RIMS2: variants seen among roughly 807,000 people sequenced by gnomAD.
RIMS2 encodes regulating synaptic membrane exocytosis protein 2.
A neutral mutation model predicts 174.4 loss-of-function variants in RIMS2; 59 were observed. That is an observed-to-expected ratio of 0.34 (90% CI 0.27 to 0.42). The LOEUF is 0.42. Among genes scored for constraint, RIMS2 ranks in the 10% least tolerant of loss-of-function variants. RIMS2 has a pLI of 1.00. For synonymous variants in RIMS2, 606 were observed against 572.5 expected (o/e 1.06, Z -0.84); for missense variants, 1,620 against 1,666.3 (o/e 0.97, Z 0.48).
intron 19 of RIMS2, among the ~76,000 whole-genome samples, chr8:104,074,046 T>C (rs763063768): frequency 2.0e-5 from 3 of 152,230 alleles, no homozygotes; most frequent in Non-Finnish European, 2.9e-5. Context: ...TTAGCACTTA[T>C]GCGCTTCTCA....
intron 19 of RIMS2, among the ~76,000 whole-genome samples, chr8:104,182,252 A>G (rs1358467626): frequency 2.0e-5 from 3 of 151,852 alleles, no homozygotes; most frequent in Non-Finnish European, 4.4e-5. Context: ...GTATATTCTT[A>G]GGTTATCACA....
intron 2 of RIMS2, among the ~76,000 whole-genome samples, chr8:103,714,965 G>A (rs1398851210): frequency 6.6e-6 from 1 of 152,080 alleles, no homozygotes; most frequent in Non-Finnish European, 1.5e-5. Context: ...AATTTTTAAT[G>A]AATATTCCTG....
intron 1 of RIMS2, among the ~76,000 whole-genome samples, chr8:103,549,254 A>C (rs1174203447): frequency 6.6e-6 from 1 of 152,224 alleles, no homozygotes; most frequent in Non-Finnish European, 1.5e-5. Flanking sequence ...GAAGGCTATC[A>C]GACTAACAGC....
chr8:103,544,899 GAAC>G (rs1304009488), intron 1 of RIMS2, among the ~76,000 whole-genome samples: 1 of 152,078 alleles, frequency 6.6e-6, no homozygotes, highest in Non-Finnish European at 1.5e-5. Context: ...CACATCCAAA[GAAC>G]AACAACTTCA....
chr8:103,553,149 G>C (rs568693027), intron 1 of RIMS2, among the ~76,000 whole-genome samples: 1 of 151,856 alleles, frequency 6.6e-6, no homozygotes, highest in South Asian at 2.1e-4. Context: ...ATGCACATGT[G>C]TGTTTATTGT....
intron 19 of RIMS2, among the ~76,000 whole-genome samples, chr8:104,020,696 G>A (rs1041713129): frequency 1.3e-5 from 2 of 151,830 alleles, no homozygotes; most frequent in Non-Finnish European, 2.9e-5. Flanking sequence ...TTTTAAAATT[G>A]AATTATTTTA....
At chr8:103,659,882 G>A (rs996399961) in intron 1 of RIMS2, among the ~76,000 whole-genome samples, 2 of 152,212 alleles carry the variant, frequency 1.3e-5, no homozygotes, top group African/African-American at 4.8e-5. Context: ...ATGCTGCTTC[G>A]AGTGCACACG....
intron 19 of RIMS2, among the ~76,000 whole-genome samples, chr8:104,227,377 T>C (rs2099195081): frequency 2.0e-5 from 3 of 152,208 alleles, no homozygotes; most frequent in Admixed American, 1.3e-4. Context: ...CCCTTTGAGA[T>C]AAGAATTATT....
chr8:103,543,054 CA>C, intron 1 of RIMS2, among the ~76,000 whole-genome samples: 1 of 152,138 alleles, frequency 6.6e-6, no homozygotes, highest in South Asian at 2.1e-4. Context: ...TAAAGGCACC[CA>C]AATTGGAAAG....
At chr8:103,899,091 T>C (rs1448931544) in intron 4 of RIMS2, among the ~76,000 whole-genome samples, 2 of 151,804 alleles carry the variant, frequency 1.3e-5, no homozygotes, top group Non-Finnish European at 2.9e-5. Context: ...ATGGTGTATA[T>C]GTGCCACATT....
intron 2 of RIMS2, among the ~76,000 whole-genome samples, chr8:103,709,602 C>T (rs1208082876): frequency 6.6e-6 from 1 of 152,124 alleles, no homozygotes; most frequent in Non-Finnish European, 1.5e-5. Context: ...ACCAATATCC[C>T]ATGAATTAGG....
intron 3 of RIMS2, among the ~76,000 whole-genome samples, chr8:103,853,082 GT>G: frequency 6.6e-6 from 1 of 151,512 alleles, no homozygotes; most frequent in East Asian, 2.0e-4. Flanking sequence ...GGTTTTTTTT[GT>G]TTGTTTTTTT....
At chr8:104,228,243 T>C (rs574592783) in intron 19 of RIMS2, among the ~76,000 whole-genome samples, 5 of 152,062 alleles carry the variant, frequency 3.3e-5, no homozygotes, top group African/African-American at 1.2e-4. Flanking sequence ...TTAGCCAGGG[T>C]GGTCTCAATC....
At chr8:103,594,104 G>C (rs937070706) in intron 1 of RIMS2, among the ~76,000 whole-genome samples, 1 of 151,526 alleles carries the variant, frequency 6.6e-6, no homozygotes, top group Non-Finnish European at 1.5e-5. Context: ...GATTATTTTT[G>C]GGCGTGTACA....
chr8:103,600,259 T>TTTTCTTTCTTTC (rs71575973), intron 1 of RIMS2, among the ~76,000 whole-genome samples: 2 of 151,172 alleles, frequency 1.3e-5, no homozygotes, highest in African/African-American at 2.4e-5. Flanking sequence ...AAATGCTACA[T>TTTTCTTTCTTTC]TTTCTTTCTT....
chr8:103,563,632 G>T (rs962839070), intron 1 of RIMS2, among the ~76,000 whole-genome samples: 1 of 152,044 alleles, frequency 6.6e-6, no homozygotes, highest in Non-Finnish European at 1.5e-5. Context: ...CTGTTACCCA[G>T]TTCCAAAGTC....
intron 2 of RIMS2, among the ~76,000 whole-genome samples, chr8:103,746,544 A>T (rs2097818344): frequency 6.6e-6 from 1 of 152,086 alleles, no homozygotes; most frequent in South Asian, 2.1e-4. Flanking sequence ...AGATTATTTC[A>T]TCACTCAGGT....
chr8:103,527,906 A>C (rs1834892432), intron 1 of RIMS2, among the ~76,000 whole-genome samples: 1 of 152,188 alleles, frequency 6.6e-6, no homozygotes, highest in Non-Finnish European at 1.5e-5. Flanking sequence ...GTATATACCC[A>C]GTAACGGGAT....
intron 1 of RIMS2, among the ~76,000 whole-genome samples, chr8:103,611,024 A>G (rs1212528402): frequency 6.6e-6 from 1 of 152,012 alleles, no homozygotes; most frequent in African/African-American, 2.4e-5. Flanking sequence ...CTGTTCAGGG[A>G]TTCAATTTCT....
Sources: allele counts gnomAD v4.1 joint callset (sites outside exome capture counted in the v4.1 genomes callset), GRCh38; gene constraint gnomAD v4.1.1; transcripts MANE v1.5; gene names NCBI Gene and HGNC (gene_info 2026-07-23, HGNC 2026-07-21).